Variants in PCDHA6 observed in about 807,000 individuals in gnomAD.
PCDHA6 encodes the protein protocadherin alpha-6.
Under a neutral mutation model 60.3 loss-of-function variants are expected in PCDHA6, and 55 were observed. That is an observed-to-expected ratio of 0.91 (90% CI 0.73 to 1.14). The LOEUF (loss-of-function observed/expected upper bound fraction) is 1.14, where lower values mean the gene tolerates loss of function less well. PCDHA6 is among the 50% of genes most tolerant of loss of function. The probability of loss-of-function intolerance (pLI) is 0.00; values close to 1 mark genes in which losing one functional copy is unlikely to be tolerated. For missense variants in PCDHA6, 1,327 were observed against 1,256.5 expected, an observed-to-expected ratio of 1.06 and a Z score of -0.85; for synonymous variants, 652 against 557.9, an observed-to-expected ratio of 1.17 and a Z score of -2.38.
intron 1 of PCDHA6, among the ~76,000 whole-genome samples, chr5:140,917,223 C>T (rs1351907671): frequency 2.0e-5 from 3 of 150,934 alleles, no homozygotes; most frequent in African/African-American, 4.9e-5. Flanking sequence ...TTTAGTGATA[C>T]GTTGTTAAAT....
intron 1 of PCDHA6, among the ~76,000 whole-genome samples, chr5:140,833,023 G>A (rs1772255720): frequency 6.6e-6 from 1 of 152,184 alleles, no homozygotes; most frequent in Admixed American, 6.5e-5. Context: ...GTTCCCATAA[G>A]AGAGAGTGTG....
chr5:140,999,890 T>C (rs2097882236), intron 3 of PCDHA6, among the ~76,000 whole-genome samples: 1 of 152,168 alleles, frequency 6.6e-6, no homozygotes, highest in South Asian at 2.1e-4. Context: ...CAGCTGTAGC[T>C]TGGGACACCA....
Position 140,829,227 on chromosome 5 carries a change from C to T in PCDHA6, c.1136C>T (p.Ser379Leu), listed in dbSNP as rs2150164224. 6.2e-7 allele frequency: 1 copy of T among 1,614,240 alleles called. No homozygotes were observed. The highest frequency in any genetic ancestry group is 1.3e-5 in the African/African-American group (1 of 75,072). Residue 379 changes from serine (S) to leucine (L), a missense_variant, in exon 1 of 4, where the codon TCA becomes TTA. Coordinates refer to ENST00000529310, the MANE Select transcript of PCDHA6 (RefSeq NM_018909.4). The stretch of plus-strand genomic sequence containing the variant: ...CTAATTAGCGTGAACGACCTCGATT[C>T]AGGTGCCAACGGGCAGGTGAACTGC... ...IALISVNDLD[S>L]GANGQVNCSL...
At chr5:140,976,929 A>G (rs1289479026) in intron 1 of PCDHA6, among the ~76,000 whole-genome samples, 2 of 152,234 alleles carry the variant, frequency 1.3e-5, no homozygotes, top group South Asian at 2.1e-4. Flanking sequence ...AGTACTGTGT[A>G]GCTACTTAAA....
chr5:140,987,462 A>C (rs2097255249), intron 3 of PCDHA6, among the ~76,000 whole-genome samples: 1 of 152,154 alleles, frequency 6.6e-6, no homozygotes, highest in African/African-American at 2.4e-5. Flanking sequence ...AATTGTTAAG[A>C]GCTCAAGCTT....
chr5:140,917,370 C>G (rs571895312), intron 1 of PCDHA6, among the ~76,000 whole-genome samples: 24 of 150,458 alleles, frequency 1.6e-4, no homozygotes, highest in African/African-American at 5.8e-4. Context: ...CTATCTTGCT[C>G]CACCTCAATA....
At chr5:140,984,566 C>T (rs899278255) in intron 3 of PCDHA6, among the ~76,000 whole-genome samples, 4 of 152,124 alleles carry the variant, frequency 2.6e-5, no homozygotes, top group Non-Finnish European at 5.9e-5. Context: ...TCCAACTACT[C>T]CATGGCAACC....
At position 140,829,472 on chromosome 5, in the gene PCDHA6, A is replaced by C. The variant is rs1281659307; in HGVS notation, c.1381A>C (p.Thr461Pro). ...TCCGGCGTTCGCGCAGCCCGAGTAC[A>C]CAGTGTTCGTGAAGGAGAACAACCC... ...NAPAFAQPEY[T>P]VFVKENNPPG... Residue 461 changes from threonine (T) to proline (P), a missense_variant, in exon 1 of 4, where the codon ACA becomes CCA. By Grantham distance (38) the Thr-to-Pro change is conservative. Transcript: ENST00000529310. 2 of 1,613,698 alleles carry C rather than the reference A, an allele frequency of 1.2e-6. No individual in the cohort carries two copies. Among genetic ancestry groups the C allele is most frequent in the Non-Finnish European group, 8.5e-7 (1 of 1,180,016 alleles).
chr5:140,885,290 A>G (rs1344746797), intron 1 of PCDHA6, among the ~76,000 whole-genome samples: 2 of 152,190 alleles, frequency 1.3e-5, no homozygotes, highest in African/African-American at 4.8e-5. Context: ...ATATATAGAG[A>G]GAGACCTGGT....
chr5:140,966,426 C>T, intron 1 of PCDHA6: 1 of 421,820 alleles, frequency 2.4e-6, no homozygotes. Flanking sequence ...ACTTGCTGAG[C>T]CCTCCTACCG....
At position 140,842,583 on chromosome 5, in the gene PCDHA6, A is replaced by G. The variant is rs2150339895; in HGVS notation, c.2394+12098A>G. ...CTGGACCGCGAGAGAGTGTCGGCCT[A>G]TGAGTTGGTGGTAACCGCGCGGGAC... On this transcript the variant is annotated intron_variant, in intron 1 of 3. Transcript: ENST00000529310. The G allele has an allele frequency of 3.9e-5, 59 of 1,520,170 alleles. 7 individuals are homozygous for G. The highest frequency in any genetic ancestry group is 5.2e-5 in the Non-Finnish European group (58 of 1,118,060). The allele number at this position is 1,520,170 out of a possible 1,614,324, so 94.2% of individuals were successfully genotyped here.
intron 1 of PCDHA6, among the ~76,000 whole-genome samples, chr5:140,941,202 C>CCTTTCTTCCTTCCTTTCTTT (rs1394736170): frequency 8.1e-5 from 10 of 122,740 alleles, no homozygotes; most frequent in African/African-American, 2.1e-4. Context: ...TTTCTTTCTT[C>CCTTTCTTCCTTCCTTTCTTT]CTTTCTTTCT....
At chr5:140,975,765 CAG>C (rs1179625862) in intron 1 of PCDHA6, among the ~76,000 whole-genome samples, 1 of 152,220 alleles carries the variant, frequency 6.6e-6, no homozygotes, top group Non-Finnish European at 1.5e-5. Flanking sequence ...TCATAAATCA[CAG>C]ATAATACCAT....
chr5:140,991,733 A>T (rs1360500460), intron 3 of PCDHA6, among the ~76,000 whole-genome samples: 1 of 152,136 alleles, frequency 6.6e-6, no homozygotes, highest in African/African-American at 2.4e-5. Flanking sequence ...TGTTCAAGGT[A>T]ATGTAGGCTC....
chr5:140,962,512 AATAAT>A (rs2095688598), intron 1 of PCDHA6, among the ~76,000 whole-genome samples: 1 of 152,184 alleles, frequency 6.6e-6, no homozygotes, highest in Admixed American at 6.5e-5. Flanking sequence ...GCCAACTATC[AATAAT>A]ATATTAGTTT....
chr5:140,861,341 A>C (rs1554154533), intron 1 of PCDHA6: 1 of 280,406 alleles, frequency 3.6e-6, no homozygotes, highest in African/African-American at 2.2e-5. Context: ...GGAAGAGGCC[A>C]AGGACGGCAC....
chr5:140,828,964 C>A lies in PCDHA6; in HGVS notation c.873C>A (p.Asp291Glu). ...GCCTTGTTGCAGCCATGGTTATTGACCACTTTAGCATAGATCGAAATACGG... is the reference window on the plus strand; with the variant it reads ...GCCTTGTTGCAGCCATGGTTATTGAACACTTTAGCATAGATCGAAATACGG... ...FNSLVAAMVI[D>E]HFSIDRNTGE... The change falls in exon 1 of 4, where the codon GAC becomes GAA. Residue 291 changes from aspartate (D) to glutamate (E), a missense_variant. Transcript: ENST00000529310. 1 of 1,614,150 alleles carries A rather than the reference C, an allele frequency of 6.2e-7. No homozygotes were observed.
intron 1 of PCDHA6, chr5:140,927,513 C>T (rs371881938): frequency 2.2e-5 from 36 of 1,614,062 alleles, no homozygotes; most frequent in South Asian, 3.3e-5. Flanking sequence ...CAGCTCGGGA[C>T]GGCGGGCTAC....
chr5:140,855,629 G>A (rs914411692), intron 1 of PCDHA6, among the ~76,000 whole-genome samples: 2 of 149,486 alleles, frequency 1.3e-5, no homozygotes, highest in Non-Finnish European at 3.0e-5. Flanking sequence ...TTTGAAATTC[G>A]GCTATTGATA....
Sources: allele counts gnomAD v4.1 joint callset (sites outside exome capture counted in the v4.1 genomes callset), GRCh38; gene constraint gnomAD v4.1.1; transcripts MANE v1.5; gene names NCBI Gene and HGNC (gene_info 2026-07-23, HGNC 2026-07-21).